The following DMD variants were observed in gnomAD, a reference collection of about 807,000 sequenced individuals.
The protein encoded by DMD is mutant dystrophin.
In DMD, 63 loss-of-function variants were observed where a neutral mutation model predicts 330.1. The observed-to-expected ratio is 0.19, with a 90% CI of 0.16 to 0.24. DMD has a LOEUF of 0.24. Among genes scored for constraint, DMD ranks in the 10% least tolerant of loss-of-function variants. The pLI, the probability that DMD is intolerant of heterozygous loss-of-function variation, is 1.00. For missense variants in DMD, 3,344 were observed against 2,684.1 expected, an observed-to-expected ratio of 1.25 and a Z score of -5.43; for synonymous variants, 1,223 against 959.8, an observed-to-expected ratio of 1.27 and a Z score of -5.07.
At chrX:32,538,107 C>A (rs2048157892) in intron 17 of DMD, among the ~76,000 whole-genome samples, 1 of 112,084 alleles carries the variant, frequency 8.9e-6, no homozygotes, top group African/African-American at 3.2e-5. Flanking sequence ...AGTAAGGTGT[C>A]ACAAGATGCA....
intron 34 of DMD, among the ~76,000 whole-genome samples, chrX:32,379,591 T>C (rs1364741247): frequency 9.0e-6 from 1 of 111,708 alleles, no homozygotes; most frequent in Non-Finnish European, 1.9e-5. Context: ...CTACTATTTA[T>C]TTGGAAATAT....
At chrX:33,140,880 T>C (rs180767219) in intron 1 of DMD, among the ~76,000 whole-genome samples, 85 of 111,998 alleles carry the variant, frequency 7.6e-4, no homozygotes, top group African/African-American at 2.5e-3. Flanking sequence ...AGATTAAGTA[T>C]ATTTACACCA....
At chrX:32,033,653 G>GAAAGAAAGAAGAAAGAAAGA (rs201179363) in intron 44 of DMD, among the ~76,000 whole-genome samples, 12 of 59,082 alleles carry the variant, frequency 2.0e-4, no homozygotes, top group South Asian at 1.0e-3. Flanking sequence ...AAGAAAGAAA[G>GAAAGAAAGAAGAAAGAAAGA]AAGAAAGAAA....
At chrX:32,823,891 G>T (rs1196577592) in intron 4 of DMD, among the ~76,000 whole-genome samples, 1 of 111,358 alleles carries the variant, frequency 9.0e-6, no homozygotes, top group African/African-American at 3.3e-5. Context: ...ATCTGGCAGG[G>T]TTTTATTTGC....
At chrX:32,739,466 T>C (rs1427800588) in intron 7 of DMD, among the ~76,000 whole-genome samples, 1 of 112,006 alleles carries the variant, frequency 8.9e-6, no homozygotes, top group East Asian at 2.8e-4. Flanking sequence ...AAGCATGTGA[T>C]CACTTTGGAA....
intron 1 of DMD, among the ~76,000 whole-genome samples, chrX:33,197,571 A>G (rs1395499951): frequency 1.8e-5 from 2 of 111,846 alleles, no homozygotes. Context: ...GCACCATTAT[A>G]TAGCATACCC....
At chrX:31,688,214 A>T (rs190116802) in intron 52 of DMD, among the ~76,000 whole-genome samples, 1 of 111,646 alleles carries the variant, frequency 9.0e-6, no homozygotes, top group East Asian at 2.8e-4. Flanking sequence ...GAATTGATAG[A>T]CCGCTAGTAA....
intron 61 of DMD, among the ~76,000 whole-genome samples, chrX:31,334,019 G>A (rs1396657504): frequency 1.0e-4 from 11 of 109,715 alleles, no homozygotes; most frequent in Non-Finnish European, 2.1e-4. Flanking sequence ...TGCAACCTCC[G>A]CCTCCTGGGT....
intron 44 of DMD, among the ~76,000 whole-genome samples, chrX:32,034,037 G>T (rs2147284184): frequency 9.0e-6 from 1 of 111,306 alleles, no homozygotes; most frequent in East Asian, 2.8e-4. Context: ...CTTACAGCTG[G>T]GATGCTCTCC....
At chrX:31,505,997 G>C (rs1484442989) in intron 56 of DMD, among the ~76,000 whole-genome samples, 1 of 111,192 alleles carries the variant, frequency 9.0e-6, no homozygotes, top group African/African-American at 3.3e-5. Flanking sequence ...AAATTATTTA[G>C]CCTCTCTGTG....
intron 1 of DMD, among the ~76,000 whole-genome samples, chrX:33,233,254 T>C (rs902124353): frequency 9.0e-6 from 1 of 111,574 alleles, no homozygotes; most frequent in African/African-American, 3.3e-5. Context: ...ATACGACATA[T>C]GAGACTACCA....
intron 55 of DMD, chrX:31,508,059 A>G: frequency 2.4e-6 from 1 of 415,868 alleles, no homozygotes; most frequent in South Asian, 3.7e-5. Context: ...TACATTTATT[A>G]GTTTTGATTT....
intron 44 of DMD, among the ~76,000 whole-genome samples, chrX:32,088,576 G>T (rs779982967): frequency 9.2e-6 from 1 of 109,160 alleles, no homozygotes; most frequent in Non-Finnish European, 1.9e-5. Flanking sequence ...AAGTAGTTTC[G>T]TAATAGGAGA....
intron 45 of DMD, among the ~76,000 whole-genome samples, chrX:31,954,196 T>G (rs374078009): frequency 8.9e-6 from 1 of 111,764 alleles, no homozygotes; most frequent in Non-Finnish European, 1.9e-5. Flanking sequence ...CCAGCAAAAA[T>G]AGATCATCAA....
intron 9 of DMD, among the ~76,000 whole-genome samples, chrX:32,653,079 T>C (rs1467353638): frequency 9.0e-6 from 1 of 111,712 alleles, no homozygotes; most frequent in Non-Finnish European, 1.9e-5. Flanking sequence ...GATGATTAGA[T>C]TGTAAAAATT....
chrX:31,768,055 G>T (rs748894416), intron 51 of DMD, among the ~76,000 whole-genome samples: 31 of 111,178 alleles, frequency 2.8e-4, no homozygotes, highest in Non-Finnish European at 4.7e-4. Flanking sequence ...CCCCAATCTG[G>T]AAAGGTCTTA....
chrX:32,740,438 A>G (rs917595509), intron 7 of DMD, among the ~76,000 whole-genome samples: 1 of 110,591 alleles, frequency 9.0e-6, no homozygotes. Context: ...AATCACTATT[A>G]AACCTCAGAA....
intron 50 of DMD, among the ~76,000 whole-genome samples, chrX:31,794,086 A>G (rs1192268774): frequency 8.9e-6 from 1 of 111,784 alleles, no homozygotes; most frequent in Non-Finnish European, 1.9e-5. Context: ...CTGAGACTAC[A>G]GCACAGTTGG....
At chrX:32,432,509 A>G (rs1476712626) in intron 29 of DMD, among the ~76,000 whole-genome samples, 2 of 112,048 alleles carry the variant, frequency 1.8e-5, no homozygotes, top group African/African-American at 6.5e-5. Flanking sequence ...TCCAGAGGGC[A>G]TTACAGAAGA....
Sources: gnomAD v4.1 joint callset for allele counts (sites outside exome capture counted in the v4.1 genomes callset) on GRCh38, gnomAD v4.1.1 for gene constraint, MANE v1.5 for transcripts, NCBI Gene and HGNC (gene_info 2026-07-23, HGNC 2026-07-21) for gene names.